The following BRMS1L variants were observed in gnomAD, a reference collection of about 807,000 sequenced individuals.
The protein encoded by BRMS1L is breast cancer metastasis-suppressor 1-like protein.
BRMS1L carries 23 observed loss-of-function variants against 50.3 expected under a neutral mutation model. The observed-to-expected ratio is 0.46, with a 90% CI of 0.33 to 0.65. BRMS1L has a LOEUF of 0.65. Ranked by LOEUF, BRMS1L falls within the 30% of genes least tolerant of loss-of-function variation. The probability of loss-of-function intolerance (pLI) is 0.02; values close to 1 mark genes in which losing one functional copy is unlikely to be tolerated. For missense variants in BRMS1L, 286 were observed against 386.1 expected, an observed-to-expected ratio of 0.74 and a Z score of 2.17; for synonymous variants, 114 against 126.9, an observed-to-expected ratio of 0.90 and a Z score of 0.69.
chr14:35,861,644 C>T (rs984000669), intron 4 of BRMS1L, among the ~76,000 whole-genome samples: 5 of 152,164 alleles, frequency 3.3e-5, no homozygotes, highest in Non-Finnish European at 7.4e-5. Context: ...TGTAAGCCAT[C>T]TTTTCCCTGA....
chr14:35,857,251 AT>A (rs764501481), intron 4 of BRMS1L, among the ~76,000 whole-genome samples: 2,544 of 132,988 alleles, frequency 0.019, 85 homozygotes, highest in African/African-American at 0.069. Flanking sequence ...AAAAAAAAAA[AT>A]ATATATATAT....
chr14:35,861,787 T>C (rs2078354977), intron 4 of BRMS1L, among the ~76,000 whole-genome samples: 1 of 152,232 alleles, frequency 6.6e-6, no homozygotes, highest in African/African-American at 2.4e-5. Context: ...TATCCAACTA[T>C]ATCCCAATAG....
intron 4 of BRMS1L, among the ~76,000 whole-genome samples, chr14:35,842,999 G>A (rs7493329): frequency 2.6e-4 from 40 of 152,286 alleles, no homozygotes; most frequent in Admixed American, 2.2e-3. Flanking sequence ...GCTTCATGAA[G>A]TTCTCATGCT....
intron 5 of BRMS1L, among the ~76,000 whole-genome samples, chr14:35,863,077 C>CTCCA (rs2078374536): frequency 6.6e-6 from 1 of 151,860 alleles, no homozygotes; most frequent in South Asian, 2.1e-4. Flanking sequence ...CGCCACTGCA[C>CTCCA]TCCAGACTGG....
chr14:35,834,165 T>G (rs1285820364), intron 3 of BRMS1L, among the ~76,000 whole-genome samples: 1 of 152,212 alleles, frequency 6.6e-6, no homozygotes, highest in Non-Finnish European at 1.5e-5. Flanking sequence ...ATTACATTTC[T>G]AGGGCCAACT....
chr14:35,854,909 T>A (rs2078260384), intron 4 of BRMS1L, among the ~76,000 whole-genome samples: 2 of 152,358 alleles, frequency 1.3e-5, no homozygotes, highest in South Asian at 4.1e-4. Context: ...GCAGGTAGTC[T>A]GTGTTTGAAT....
rs1427852189 is a variant in BRMS1L at position 35,857,051 on chromosome 14, G to A, written c.442-5539G>A. 3.3e-5 allele frequency among the ~76,000 whole-genome samples: 5 copies of A among 151,798 alleles called. No individual in the cohort carries two copies. In the East Asian group the frequency reaches 9.7e-4, roughly 29 times the overall value. On this transcript the variant is annotated intron_variant, in intron 4 of 9. Coordinates refer to ENST00000216807, the MANE Select transcript of BRMS1L (RefSeq NM_032352.4). ...AGGTCAGGAGTTTGTGACCAGCCTG[G>A]CCAATATGATGAAACCCCGTCTGTA...
chr14:35,863,981 T>C (rs757562072), intron 6 of BRMS1L, 28 bp downstream of exon 6: 1 of 1,589,618 alleles, frequency 6.3e-7, no homozygotes, highest in Admixed American at 1.7e-5. Context: ...TTCTGTTTTT[T>C]TTTCCTTGAT....
At chr14:35,851,621 T>G (rs900528894) in intron 4 of BRMS1L, among the ~76,000 whole-genome samples, 2 of 152,224 alleles carry the variant, frequency 1.3e-5, no homozygotes, top group Non-Finnish European at 2.9e-5. Context: ...TACAAGTGTT[T>G]TTCATAGAAA....
At chr14:35,829,771 A>G (rs1483711921) in intron 1 of BRMS1L, 1 of 1,047,268 alleles carries the variant, frequency 9.5e-7, no homozygotes. Flanking sequence ...AAATAATTGA[A>G]CATGATTTAA....
At chr14:35,856,953 T>A (rs1295639091) in intron 4 of BRMS1L, among the ~76,000 whole-genome samples, 1 of 152,122 alleles carries the variant, frequency 6.6e-6, no homozygotes, top group Admixed American at 6.5e-5. Context: ...TTAAAAAATT[T>A]GTTGTGGCCG....
intron 9 of BRMS1L, among the ~76,000 whole-genome samples, chr14:35,868,357 T>C (rs992606046): frequency 6.6e-6 from 1 of 152,250 alleles, no homozygotes; most frequent in Non-Finnish European, 1.5e-5. Context: ...CTGACTATTA[T>C]GAATTTTTGG....
chr14:35,827,878 G>T (rs1175611382), intron 1 of BRMS1L, among the ~76,000 whole-genome samples: 1 of 152,156 alleles, frequency 6.6e-6, no homozygotes, highest in Admixed American at 6.5e-5. Flanking sequence ...GGGGTGGTGG[G>T]TATCCCTGCA....
At chr14:35,865,534 A>G (rs1226800780) in intron 7 of BRMS1L, among the ~76,000 whole-genome samples, 188 bp from the exon 8 acceptor site, 1 of 152,170 alleles carries the variant, frequency 6.6e-6, no homozygotes, top group East Asian at 1.9e-4. Flanking sequence ...CTCTAGGAGA[A>G]ATTGTTATCC....
At chr14:35,863,037 C>G (rs540465838) in intron 5 of BRMS1L, among the ~76,000 whole-genome samples, 1 of 151,658 alleles carries the variant, frequency 6.6e-6, no homozygotes, top group South Asian at 2.1e-4. Flanking sequence ...CCCAGGAGTT[C>G]GAGATTGCAA....
At chr14:35,857,507 G>C (rs2078297107) in intron 4 of BRMS1L, among the ~76,000 whole-genome samples, 1 of 151,752 alleles carries the variant, frequency 6.6e-6, no homozygotes, top group African/African-American at 2.4e-5. Flanking sequence ...TTTTTATAGA[G>C]ATGGGGGTCT....
intron 4 of BRMS1L, among the ~76,000 whole-genome samples, chr14:35,848,262 C>T (rs560457097): frequency 1.6e-4 from 24 of 152,282 alleles, no homozygotes; most frequent in African/African-American, 4.3e-4. Context: ...CGTCACCTCA[C>T]GTACCATTTG....
At chr14:35,870,254 T>C (rs1018151000) in intron 9 of BRMS1L, 106 bp from the exon 10 acceptor site, 2 of 648,776 alleles carry the variant, frequency 3.1e-6, no homozygotes, top group Non-Finnish European at 5.5e-6. Flanking sequence ...TATACCTGAG[T>C]CTACTGTTGT....
At chr14:35,831,789 A>G (rs963723093) in intron 2 of BRMS1L, among the ~76,000 whole-genome samples, 1 of 152,184 alleles carries the variant, frequency 6.6e-6, no homozygotes, top group African/African-American at 2.4e-5. Flanking sequence ...ATGTGGTGGT[A>G]CGTGCCTGTG....
Sources: allele counts gnomAD v4.1 joint callset (sites outside exome capture counted in the v4.1 genomes callset), GRCh38; gene constraint gnomAD v4.1.1; transcripts MANE v1.5; gene names NCBI Gene and HGNC (gene_info 2026-07-23, HGNC 2026-07-21).